Variants in NDST4 observed in about 807,000 individuals in gnomAD.
NDST4 encodes the protein N-deacetylase and N-sulfotransferase 4, also known as N-heparan sulfate sulfotransferase 4.
Under a neutral mutation model 100.8 loss-of-function variants are expected in NDST4, and 63 were observed. The ratio of observed to expected loss-of-function variants is 0.62; its 90% CI spans 0.51 to 0.77. The LOEUF (loss-of-function observed/expected upper bound fraction) is 0.77. Ranked by LOEUF, NDST4 falls within the 30% of genes least tolerant of loss-of-function variation. The pLI is 0.00. For synonymous variants in NDST4, 377 were observed against 361.8 expected (o/e 1.04, Z -0.48); for missense variants, 943 against 1,018.4 (o/e 0.93, Z 1.01).
chr4:114,940,545 G>A (rs1725726175), intron 4 of NDST4, among the ~76,000 whole-genome samples: 1 of 152,172 alleles, frequency 6.6e-6, no homozygotes, highest in Non-Finnish European at 1.5e-5. Flanking sequence ...GTAGGTGAGT[G>A]AGCAGGTGCA....
At chr4:114,992,245 G>A (rs1449098687) in intron 2 of NDST4, among the ~76,000 whole-genome samples, 2 of 151,308 alleles carry the variant, frequency 1.3e-5, no homozygotes, top group Non-Finnish European at 3.0e-5. Flanking sequence ...ATCTCCTTAA[G>A]CTACTCTTGC....
At chr4:114,848,411 C>A in intron 8 of NDST4, 73 bp from the exon 9 acceptor site, 1 of 1,197,116 alleles carries the variant, frequency 8.4e-7, no homozygotes, top group Non-Finnish European at 1.2e-6. Flanking sequence ...TATTTTTGCT[C>A]AAAAAGTAAT....
chr4:114,976,249 C>T (rs1726631377), intron 3 of NDST4, among the ~76,000 whole-genome samples: 2 of 152,144 alleles, frequency 1.3e-5, no homozygotes, highest in Middle Eastern at 3.4e-3. Context: ...AGAATAAATA[C>T]TGTGAAATGT....
intron 6 of NDST4, among the ~76,000 whole-genome samples, chr4:114,902,621 C>A (rs1466470246): frequency 6.6e-6 from 1 of 152,076 alleles, no homozygotes; most frequent in Middle Eastern, 3.4e-3. Context: ...CATTAATTTG[C>A]GGAAATTATC....
intron 6 of NDST4, among the ~76,000 whole-genome samples, chr4:114,876,816 T>C (rs908723466): frequency 6.6e-6 from 1 of 152,202 alleles, no homozygotes; most frequent in Non-Finnish European, 1.5e-5. Context: ...TAACATATTA[T>C]TTGTTGAATG....
intron 2 of NDST4, among the ~76,000 whole-genome samples, chr4:115,019,297 A>G (rs1361581317): frequency 1.3e-5 from 2 of 152,114 alleles, no homozygotes; most frequent in African/African-American, 4.8e-5. Flanking sequence ...CCATAAAGAC[A>G]CAAGTTCCTC....
chr4:115,097,854 C>T (rs565596858), intron 1 of NDST4, among the ~76,000 whole-genome samples: 2 of 152,190 alleles, frequency 1.3e-5, no homozygotes, highest in East Asian at 3.8e-4. Context: ...TCCAAACATG[C>T]TGTGTTCTTT....
chr4:115,002,529 G>C (rs1242150776), intron 2 of NDST4, among the ~76,000 whole-genome samples: 1 of 152,122 alleles, frequency 6.6e-6, no homozygotes, highest in Non-Finnish European at 1.5e-5. Context: ...TTGGGCTTTT[G>C]TTGCAATTGC....
intron 6 of NDST4, among the ~76,000 whole-genome samples, chr4:114,923,715 C>T (rs17047492): frequency 0.15 from 23,181 of 151,820 alleles, 2,615 homozygotes; most frequent in African/African-American, 0.31. Context: ...TTACATATTG[C>T]ATGCCCCAAA....
intron 8 of NDST4, among the ~76,000 whole-genome samples, chr4:114,849,995 A>G (rs1723638522): frequency 6.6e-6 from 1 of 152,226 alleles, no homozygotes; most frequent in Non-Finnish European, 1.5e-5. Context: ...TTCTAGGGAA[A>G]TGAATTAGCA....
intron 1 of NDST4, among the ~76,000 whole-genome samples, chr4:115,102,741 T>C (rs1446620888): frequency 6.9e-6 from 1 of 144,222 alleles, no homozygotes; most frequent in Non-Finnish European, 1.5e-5. Flanking sequence ...GGAGTTAGGC[T>C]CTTATCAGCC....
At chr4:115,104,455 T>C (rs186208672) in intron 1 of NDST4, among the ~76,000 whole-genome samples, 14 of 152,246 alleles carry the variant, frequency 9.2e-5, no homozygotes, top group African/African-American at 3.1e-4. Flanking sequence ...GAAGACCAAC[T>C]AGGAAACATT....
At chr4:114,881,029 G>T (rs1724356040) in intron 6 of NDST4, among the ~76,000 whole-genome samples, 1 of 152,094 alleles carries the variant, frequency 6.6e-6, no homozygotes, top group South Asian at 2.1e-4. Flanking sequence ...TTCATGAAAG[G>T]AAAAGAAAGA....
intron 6 of NDST4, among the ~76,000 whole-genome samples, chr4:114,884,102 C>T (rs1724428486): frequency 6.6e-6 from 1 of 151,996 alleles, no homozygotes; most frequent in Non-Finnish European, 1.5e-5. Context: ...TTAGAAAAGC[C>T]CACTTATAAT....
intron 1 of NDST4, among the ~76,000 whole-genome samples, chr4:115,087,051 T>C (rs116641742): frequency 0.011 from 1,676 of 152,090 alleles, 15 homozygotes; most frequent in African/African-American, 0.02. Flanking sequence ...AATAATCAAA[T>C]GCCCAGAATG....
intron 1 of NDST4, among the ~76,000 whole-genome samples, chr4:115,102,628 A>C (rs1431699501): frequency 1.3e-5 from 2 of 151,174 alleles, no homozygotes; most frequent in Non-Finnish European, 2.9e-5. Flanking sequence ...ATTTGCCTGT[A>C]TCAGATGTAA....
intron 2 of NDST4, among the ~76,000 whole-genome samples, chr4:115,005,747 T>G (rs1032239895): frequency 6.6e-6 from 1 of 151,920 alleles, no homozygotes; most frequent in Non-Finnish European, 1.5e-5. Flanking sequence ...GTTAGCTGGA[T>G]AAGATGGTGG....
intron 6 of NDST4, among the ~76,000 whole-genome samples, chr4:114,905,127 A>T (rs1306207307): frequency 1.3e-5 from 2 of 150,770 alleles, no homozygotes; most frequent in East Asian, 1.9e-4. Context: ...CAGCATAAAA[A>T]TTCTTCCTTT....
intron 7 of NDST4, among the ~76,000 whole-genome samples, chr4:114,863,961 C>T (rs1723971711): frequency 6.6e-6 from 1 of 152,118 alleles, no homozygotes; most frequent in Non-Finnish European, 1.5e-5. Context: ...CTAAAAAGAA[C>T]ATAGATTGAA....
Sources: allele counts gnomAD v4.1 joint callset (sites outside exome capture counted in the v4.1 genomes callset), GRCh38; gene constraint gnomAD v4.1.1; transcripts MANE v1.5; gene names NCBI Gene and HGNC (gene_info 2026-07-23, HGNC 2026-07-21).